ARHGAP42: variants seen among roughly 807,000 people sequenced by gnomAD.
The protein encoded by ARHGAP42 is rho GTPase-activating protein 42.
Under a neutral mutation model 125.0 loss-of-function variants are expected in ARHGAP42, and 63 were observed. The ratio of observed to expected loss-of-function variants is 0.50; its 90% CI spans 0.41 to 0.62. The LOEUF is 0.62. Among genes scored for constraint, ARHGAP42 ranks in the 20% least tolerant of loss-of-function variants. The probability of loss-of-function intolerance (pLI) is 0.00; values close to 1 mark genes in which losing one functional copy is unlikely to be tolerated. For missense variants in ARHGAP42, 766 were observed against 1,024.2 expected, an observed-to-expected ratio of 0.75 and a Z score of 3.44; for synonymous variants, 339 against 351.0, an observed-to-expected ratio of 0.97 and a Z score of 0.38.
intron 1 of ARHGAP42, among the ~76,000 whole-genome samples, chr11:100,754,710 G>A (rs944636840): frequency 2.0e-4 from 31 of 152,162 alleles, no homozygotes; most frequent in Admixed American, 4.6e-4. Flanking sequence ...CACTCCTCAA[G>A]GGAGAACAGA....
chr11:100,872,218 A>C (rs1170904719), intron 4 of ARHGAP42, among the ~76,000 whole-genome samples: 1 of 152,204 alleles, frequency 6.6e-6, no homozygotes, highest in East Asian at 1.9e-4. Flanking sequence ...TATATTGATC[A>C]GTAAAATTAT....
intron 1 of ARHGAP42, among the ~76,000 whole-genome samples, chr11:100,741,411 C>T (rs988558618): frequency 2.0e-5 from 3 of 152,146 alleles, no homozygotes; most frequent in Non-Finnish European, 2.9e-5. Context: ...AAAGGCATGA[C>T]GGTAAAGTGT....
At chr11:100,953,091 C>T (rs1380542428) in intron 12 of ARHGAP42, among the ~76,000 whole-genome samples, 9 of 152,022 alleles carry the variant, frequency 5.9e-5, no homozygotes, top group East Asian at 5.8e-4. Context: ...TTTTGTCAGG[C>T]GCTCTAACCA....
chr11:100,824,846 T>A (rs1864479262), intron 3 of ARHGAP42, among the ~76,000 whole-genome samples: 1 of 152,256 alleles, frequency 6.6e-6, no homozygotes, highest in Admixed American at 6.5e-5. Flanking sequence ...GATTTTATAA[T>A]CATTCCTTAC....
At chr11:100,824,615 A>G (rs992681693) in intron 3 of ARHGAP42, among the ~76,000 whole-genome samples, 1 of 152,182 alleles carries the variant, frequency 6.6e-6, no homozygotes, top group African/African-American at 2.4e-5. Flanking sequence ...GAAATTCAGC[A>G]TAGTGTAGTG....
rs2135345500 is a variant in ARHGAP42, at chr11:100,993,754, T to C, written c.*4953T>C. Reference sequence around the variant, plus strand: ...AAAAGTGATTGTCCATAAATTATCATTGAATTTTTTGTTTATTTTGTAGTG... The same window carrying C: ...AAAAGTGATTGTCCATAAATTATCACTGAATTTTTTGTTTATTTTGTAGTG... On this transcript the variant is annotated 3_prime_UTR_variant, in exon 24 of 24. Transcript: ENST00000298815. 6.0e-6 allele frequency: 1 copy of C among 167,224 alleles called. No homozygotes were observed. The highest frequency in any genetic ancestry group is 6.5e-5 in the Admixed American group (1 of 15,306). The allele number at this position is 167,224 out of a possible 1,614,324, so 10.4% of individuals were successfully genotyped here. A position where few individuals can be genotyped will look rare whatever the true frequency, so the allele number is the denominator to read the frequency against.
chr11:100,823,811 A>T (rs980368597), intron 3 of ARHGAP42, among the ~76,000 whole-genome samples: 2 of 152,112 alleles, frequency 1.3e-5, no homozygotes, highest in African/African-American at 4.8e-5. Flanking sequence ...ATAAATAATG[A>T]CCTCCTCTGA....
chr11:100,744,563 T>C (rs948861305), intron 1 of ARHGAP42, among the ~76,000 whole-genome samples: 1 of 151,888 alleles, frequency 6.6e-6, no homozygotes, highest in Non-Finnish European at 1.5e-5. Context: ...TGTGTGTGTG[T>C]GCGTGCTTGT....
chr11:100,706,396 T>A (rs1300844229), intron 1 of ARHGAP42, among the ~76,000 whole-genome samples: 1 of 152,198 alleles, frequency 6.6e-6, no homozygotes, highest in Admixed American at 6.5e-5. Context: ...GAGGCTGAAG[T>A]CTACAGGTGG....
intron 17 of ARHGAP42, among the ~76,000 whole-genome samples, chr11:100,966,691 A>G (rs1173499105): frequency 6.6e-6 from 1 of 152,174 alleles, no homozygotes; most frequent in Non-Finnish European, 1.5e-5. Context: ...AGCCAAGTTG[A>G]CATGTAAAAT....
chr11:100,985,525 G>A lies in ARHGAP42; in HGVS notation c.2457-1988G>A, dbSNP rs371108893. On this transcript the variant is annotated intron_variant, in intron 22 of 23. Transcript: ENST00000298815. Reference sequence around the variant, plus strand: ...TTAGAAGTCTTCAGAACCTGATAATGTTCTCACTTCCAACCTCTATGCAAC... The same window carrying A: ...TTAGAAGTCTTCAGAACCTGATAATATTCTCACTTCCAACCTCTATGCAAC... Among the ~76,000 whole-genome samples, 99 of 152,296 alleles carry A rather than the reference G, an allele frequency of 6.5e-4. 1 individual carries two copies. Among genetic ancestry groups the A allele is most frequent in the East Asian group, 5.0e-3 (26 of 5,186 alleles).
At chr11:100,838,589 C>T (rs1345880669) in intron 3 of ARHGAP42, among the ~76,000 whole-genome samples, 1 of 151,740 alleles carries the variant, frequency 6.6e-6, no homozygotes, top group Admixed American at 6.6e-5. Flanking sequence ...GCCTGTGGTC[C>T]CAGCCACATG....
intron 1 of ARHGAP42, among the ~76,000 whole-genome samples, chr11:100,750,668 G>T (rs952680817): frequency 6.6e-6 from 1 of 152,180 alleles, no homozygotes; most frequent in Admixed American, 6.5e-5. Flanking sequence ...GGGAAAAATG[G>T]TTATGGCAGA....
chr11:100,840,073 G>A (rs1189876131), intron 3 of ARHGAP42: 2 of 152,102 alleles, frequency 1.3e-5, no homozygotes, highest in African/African-American at 2.4e-5. Flanking sequence ...TCATATCTAG[G>A]GCTTATAAAG....
chr11:100,954,673 C>A (rs1020131863), intron 12 of ARHGAP42, among the ~76,000 whole-genome samples: 5 of 152,032 alleles, frequency 3.3e-5, no homozygotes. Flanking sequence ...ATCCCCTGAT[C>A]TTTGATCAGT....
At chr11:100,780,568 A>G (rs751805440) in intron 2 of ARHGAP42, among the ~76,000 whole-genome samples, 3 of 152,238 alleles carry the variant, frequency 2.0e-5, no homozygotes, top group South Asian at 2.1e-4. Context: ...GTTATTGAAG[A>G]CTAATAATAC....
At chr11:100,769,539 T>C (rs1002574287) in intron 1 of ARHGAP42, among the ~76,000 whole-genome samples, 1 of 152,154 alleles carries the variant, frequency 6.6e-6, no homozygotes, top group African/African-American at 2.4e-5. Context: ...GTCTCAAAGT[T>C]ATTTGTAAAC....
At chr11:100,976,667 A>G in intron 20 of ARHGAP42, 148 bp from the exon 21 acceptor site, 2 of 1,113,012 alleles carry the variant, frequency 1.8e-6, no homozygotes, top group Non-Finnish European at 2.5e-6. Flanking sequence ...GATCTCCCCA[A>G]GTGATGGGTT....
intron 3 of ARHGAP42, among the ~76,000 whole-genome samples, chr11:100,852,020 C>T (rs1466376753): frequency 2.6e-5 from 4 of 152,136 alleles, no homozygotes; most frequent in Non-Finnish European, 5.9e-5. Flanking sequence ...TGCTTTAACA[C>T]ACTGCTGGCC....
Sources: gnomAD v4.1 joint callset for allele counts (sites outside exome capture counted in the v4.1 genomes callset) on GRCh38, gnomAD v4.1.1 for gene constraint, MANE v1.5 for transcripts, NCBI Gene and HGNC (gene_info 2026-07-23, HGNC 2026-07-21) for gene names.